The following DDX54 variants were observed in gnomAD, a reference collection of about 807,000 sequenced individuals.
The protein encoded by DDX54 is ATP-dependent RNA helicase DDX54.
In DDX54, 67 loss-of-function variants were observed where a neutral mutation model predicts 105.5. The ratio of observed to expected loss-of-function variants is 0.64; its 90% confidence interval spans 0.52 to 0.78. The LOEUF (loss-of-function observed/expected upper bound fraction) is 0.78, where lower values mean the gene tolerates loss of function less well. DDX54 is among the 30% of genes least tolerant of loss of function. The pLI is 0.00. For missense variants in DDX54, 1,206 were observed against 1,230.5 expected (o/e 0.98, Z 0.30); for synonymous variants, 514 against 509.9 (o/e 1.01, Z -0.11).
At position 113,163,940 on chromosome 12, in the gene DDX54, A is replaced by G; in HGVS notation, c.1938+127T>C. On this transcript the variant is annotated intron_variant, in intron 15 of 19. Transcript: ENST00000306014. This position sits in a 1 kb window ranked among gnomAD's most constrained non-coding sequence, Gnocchi z 5.9. ...CAAGAACCATGCCCCGACTCTGCAG[A>G]TGGGAAGCTGACTGCATCCACCTCC... is the stretch of plus-strand genomic sequence containing the variant. The G allele has an allele frequency of 7.0e-7, 1 of 1,421,810 alleles. No individual in the cohort carries two copies. The highest frequency in any genetic ancestry group is 2.5e-5 in the East Asian group (1 of 39,702). The allele number at this position is 1,421,810 out of a possible 1,614,324, so 88.1% of individuals were successfully genotyped here. A position where few individuals can be genotyped will look rare whatever the true frequency, so the allele number is the denominator to read the frequency against.
chr12:113,167,383 AAAT>A (rs1257796555), intron 12 of DDX54, among the ~76,000 whole-genome samples: 1 of 152,204 alleles, frequency 6.6e-6, no homozygotes, highest in Non-Finnish European at 1.5e-5. Context: ...TCAAAAAATA[AAAT>A]AAAATGAAAT....
At chr12:113,164,984 A>T (rs993781407) in intron 14 of DDX54, among the ~76,000 whole-genome samples, 3 of 152,192 alleles carry the variant, frequency 2.0e-5, no homozygotes, top group Non-Finnish European at 4.4e-5. Context: ...CCATGATTGC[A>T]CCACTGCACT....
chr12:113,170,736 G>A (rs946258528), intron 11 of DDX54, among the ~76,000 whole-genome samples: 7 of 152,160 alleles, frequency 4.6e-5, no homozygotes, highest in African/African-American at 1.7e-4. Context: ...TCACACGACA[G>A]CAGCAGAGAT....
rs765494779 is a variant in DDX54, at chr12:113,161,328, T to G, written c.2355A>C (p.Glu785Asp). The change falls in exon 19 of 20, where the codon GAA becomes GAC. Residue 785 changes from glutamate (E) to aspartate (D), a missense_variant. Physicochemically the swap from Glu to Asp is conservative, Grantham distance 45 (BLOSUM62 2). Coordinates refer to ENST00000306014, the MANE Select transcript of DDX54 (RefSeq NM_024072.4). ...QKIDDRDSDE[E>D]GASDRRGPER... ...CTGGGCCTCGCCGGTCAGATGCCCC[T>G]TCTTCGTCCGAGTCACGATCATCAA... 2 of 1,613,530 alleles carry G rather than the reference T, an allele frequency of 1.2e-6. No individual in the cohort carries two copies. Among genetic ancestry groups the G allele is most frequent in the South Asian group, 2.2e-5 (2 of 90,958 alleles).
Position 113,164,062 on chromosome 12 carries a change from T to C in DDX54, c.1938+5A>G. 1 of 1,543,580 alleles carries C rather than the reference T, an allele frequency of 6.5e-7. No homozygotes were observed. Among genetic ancestry groups the C allele is most frequent in the South Asian group, 1.2e-5 (1 of 83,562 alleles). ...GGTCCAGGGTCCCCAGGGTGGAACC[T>C]GTACCTCCACACTCTCTCCCGCCTC... On this transcript the variant is annotated splice_donor_5th_base_variant and intron_variant, in intron 15 of 19. Transcript: ENST00000306014.
rs747267485 is a variant in DDX54 at position 113,158,884 on chromosome 12, C to T, written c.2639G>A (p.Arg880Lys). 1 of 1,598,448 alleles carries T rather than the reference C, an allele frequency of 6.3e-7. No homozygotes were observed. Among genetic ancestry groups the T allele is most frequent in the South Asian group, 1.1e-5 (1 of 90,066 alleles). ...ARSKKGKMRK[R>K]M is the part of the protein sequence containing the mutation. ...GGGGCTGGGTCCTGGTCCTCACATC[C>T]TCTTCCGCATCTTGCCCTTCTTGGA... The change falls in exon 20 of 20, where the codon AGG becomes AAG. Residue 880 changes from arginine (R) to lysine (K), a missense_variant. Around this residue, in one of 3 missense-constraint regions of DDX54, gnomAD observed 961 missense variants for 1,019.1 expected, o/e 0.94. Transcript: ENST00000306014. The surrounding 1 kb of genome is among the most constrained non-coding windows in gnomAD (Gnocchi z 4.9).
intron 5 of DDX54, 113 bp from the exon 6 acceptor site, chr12:113,177,206 G>A: frequency 7.7e-7 from 1 of 1,297,834 alleles, no homozygotes; most frequent in Non-Finnish European, 1.1e-6. Flanking sequence ...ACAGACCCAA[G>A]GCTTGGAACT....
chr12:113,167,428 C>CA lies in DDX54; in HGVS notation c.1415-1397dup, dbSNP rs200661341. 2.0e-3 allele frequency among the ~76,000 whole-genome samples: 298 copies of CA among 152,200 alleles called. 5 individuals are homozygous for CA. In the East Asian group the frequency reaches 0.041, roughly 21 times the overall value. ...AAAAAGCAAAACAACAAAAGAAAAACAAAAAGCTGAGGGAAGAGCATGATG... is the reference window on the plus strand; with the variant it reads ...AAAAAGCAAAACAACAAAAGAAAAACAAAAAAGCTGAGGGAAGAGCATGATG... On this transcript the variant is annotated intron_variant, in intron 12 of 19. Transcript: ENST00000306014.
chr12:113,166,667 A>G (rs148149159), intron 12 of DDX54, among the ~76,000 whole-genome samples: 5,478 of 152,044 alleles, frequency 0.036, 132 homozygotes, highest in Non-Finnish European at 0.056. Flanking sequence ...GTGCCACTGC[A>G]CTCCAGCCTG....
intron 18 of DDX54, 126 bp downstream of exon 18, chr12:113,161,767 C>T: frequency 1.4e-6 from 1 of 726,480 alleles, no homozygotes; most frequent in Non-Finnish European, 2.2e-6. Context: ...GATGCGGCTG[C>T]TTAAGCCGCT....
intron 1 of DDX54, 36 bp downstream of exon 1, chr12:113,185,242 C>T: frequency 1.4e-6 from 2 of 1,462,176 alleles, no homozygotes; most frequent in Admixed American, 2.4e-5. Context: ...AGCCGGGTCT[C>T]GGGCCCGAAC....
At chr12:113,172,643 C>T (rs1035380927) in intron 10 of DDX54, 80 bp from the exon 11 acceptor site, 41 of 1,527,482 alleles carry the variant, frequency 2.7e-5, no homozygotes, top group African/African-American at 8.2e-5. Context: ...TGGCGGGGGA[C>T]GGGCACTGAG....
chr12:113,180,663 T>C (rs7303491), intron 2 of DDX54, among the ~76,000 whole-genome samples: 15,457 of 152,214 alleles, frequency 0.1, 910 homozygotes, highest in East Asian at 0.21. Flanking sequence ...TTCTGAAATG[T>C]CCCTCTGCAG....
At chr12:113,178,832 T>C in intron 5 of DDX54, 145 bp downstream of exon 5, 1 of 1,145,648 alleles carries the variant, frequency 8.7e-7, no homozygotes, top group South Asian at 1.5e-5. Flanking sequence ...CATGAGCCAC[T>C]GGGCCCGGCC....
At chr12:113,161,066 C>A (rs1232389594) in intron 19 of DDX54, among the ~76,000 whole-genome samples, 1 of 96,032 alleles carries the variant, frequency 1.0e-5, no homozygotes, top group Non-Finnish European at 1.9e-5. Flanking sequence ...CATCAGAGGC[C>A]GGGACAGTAG....
intron 10 of DDX54, among the ~76,000 whole-genome samples, chr12:113,174,403 T>C (rs1952373703): frequency 2.0e-5 from 3 of 151,268 alleles, no homozygotes; most frequent in Admixed American, 2.0e-4. Flanking sequence ...GGGAGAATTG[T>C]TTGAGCCTGG....
At chr12:113,164,357 C>A in intron 14 of DDX54, 72 bp from the exon 15 acceptor site, 1 of 1,469,972 alleles carries the variant, frequency 6.8e-7, no homozygotes, top group African/African-American at 1.4e-5. Context: ...ACTTGGTGGG[C>A]TTCCTATGGG....
chr12:113,181,163 T>C, intron 1 of DDX54, 105 bp from the exon 2 acceptor site: 8 of 1,375,042 alleles, frequency 5.8e-6, no homozygotes, highest in Non-Finnish European at 7.7e-6. Context: ...TTCAAGCCAA[T>C]GATGCTTCCG....
At chr12:113,179,083 C>T (rs1309235149) in intron 4 of DDX54, 57 bp from the exon 5 acceptor site, 6 of 1,613,070 alleles carry the variant, frequency 3.7e-6, no homozygotes, top group African/African-American at 1.3e-5. Flanking sequence ...ACACTCGTGG[C>T]CTCTGTGTCC....
Sources: allele counts gnomAD v4.1 joint callset (sites outside exome capture counted in the v4.1 genomes callset), GRCh38; gene constraint gnomAD v4.1.1; regional missense constraint gnomAD v4.1.1; non-coding constraint Gnocchi (gnomAD v3.1); transcripts MANE v1.5; gene names NCBI Gene and HGNC (gene_info 2026-07-23, HGNC 2026-07-21).